SLC4A5: variants seen among roughly 807,000 people sequenced by gnomAD.
SLC4A5 encodes the protein electrogenic sodium bicarbonate cotransporter 4.
In SLC4A5, 96 loss-of-function variants were observed where a neutral mutation model predicts 120.4. That is an observed-to-expected ratio of 0.80 (90% CI 0.68 to 0.94). The LOEUF is 0.94. SLC4A5 is among the 40% of genes least tolerant of loss of function. The pLI is 0.00. For missense variants in SLC4A5, 1,259 were observed against 1,459.5 expected (o/e 0.86, Z 2.24); for synonymous variants, 550 against 571.1 (o/e 0.96, Z 0.53).
intron 21 of SLC4A5, 70 bp downstream of exon 21, chr2:74,239,265 C>A: frequency 2.0e-6 from 3 of 1,487,386 alleles, no homozygotes; most frequent in Non-Finnish European, 2.8e-6. Flanking sequence ...GTCGGTGGAC[C>A]AGAACCCTCT....
intron 5 of SLC4A5, chr2:74,319,648 T>G (rs779578534): frequency 2.0e-5 from 3 of 152,200 alleles, no homozygotes; most frequent in Non-Finnish European, 4.4e-5. Flanking sequence ...TTGTTTGCAA[T>G]ATAGTGCATT....
At chr2:74,226,078 C>A (rs1694832894) in intron 27 of SLC4A5, among the ~76,000 whole-genome samples, 1 of 152,204 alleles carries the variant, frequency 6.6e-6, no homozygotes, top group Non-Finnish European at 1.5e-5. Flanking sequence ...GGGTTCTCAA[C>A]CCTGGCTGCA....
chr2:74,286,669 A>C (rs765557915), intron 7 of SLC4A5, among the ~76,000 whole-genome samples: 8 of 152,230 alleles, frequency 5.3e-5, no homozygotes, highest in Non-Finnish European at 1.0e-4. Context: ...AAACAAGTCA[A>C]CAAATCCATA....
intron 26 of SLC4A5, 111 bp from the exon 27 acceptor site, chr2:74,227,241 G>C: frequency 2.4e-6 from 3 of 1,263,350 alleles, no homozygotes; most frequent in Middle Eastern, 2.8e-4. Context: ...GAAGCCCCCT[G>C]CTCAGGCCTT....
intron 7 of SLC4A5, chr2:74,290,594 G>C (rs1672127923): frequency 3.1e-6 from 3 of 975,758 alleles, no homozygotes; most frequent in South Asian, 4.8e-5. Flanking sequence ...ATCTGAGAGA[G>C]AGAGAGACAG....
At chr2:74,328,767 G>A (rs142004062) in intron 4 of SLC4A5, among the ~76,000 whole-genome samples, 112 of 152,310 alleles carry the variant, frequency 7.4e-4, no homozygotes, top group Middle Eastern at 3.4e-3. Context: ...CTGAGATGTT[G>A]ATAAAGGATC....
chr2:74,340,065 G>C (rs547451126), intron 2 of SLC4A5, among the ~76,000 whole-genome samples: 18 of 152,146 alleles, frequency 1.2e-4, no homozygotes, highest in Non-Finnish European at 2.2e-4. Context: ...GTGTTTAATG[G>C]GTATAAAGTT....
At chr2:74,253,004 G>C (rs754467476) in exon 15 of SLC4A5, 1 of 1,614,128 alleles carries the variant, frequency 6.2e-7, no homozygotes, top group Admixed American at 1.7e-5. Flanking sequence ...CTTCTTGGGG[G>C]GCTCAATCCG....
At chr2:74,284,677 T>G (rs994869888) in intron 8 of SLC4A5, among the ~76,000 whole-genome samples, 4 of 152,094 alleles carry the variant, frequency 2.6e-5, no homozygotes, top group Non-Finnish European at 5.9e-5. Context: ...TTGGGAGCAT[T>G]GGGCACTGCT....
chr2:74,332,013 T>C (rs1396620962), intron 4 of SLC4A5, among the ~76,000 whole-genome samples: 6 of 152,160 alleles, frequency 3.9e-5, no homozygotes, highest in Non-Finnish European at 1.5e-5. Context: ...AGTCTTCCAG[T>C]TCTGGGTAGA....
At chr2:74,272,443 A>C (rs1158490497) in intron 8 of SLC4A5, among the ~76,000 whole-genome samples, 1 of 152,244 alleles carries the variant, frequency 6.6e-6, no homozygotes, top group Non-Finnish European at 1.5e-5. Flanking sequence ...TGTAATCCCA[A>C]ACAACTCATT....
chr2:74,224,862 G>A (rs1336884606), exon 28 of SLC4A5: 1 of 1,612,914 alleles, frequency 6.2e-7, no homozygotes, highest in South Asian at 1.1e-5. Flanking sequence ...GTCCTCGTGG[G>A]CCCCTTTTTT....
At chr2:74,219,845 G>A (rs909827034) in intron 30 of SLC4A5, among the ~76,000 whole-genome samples, 2 of 152,222 alleles carry the variant, frequency 1.3e-5, no homozygotes, top group Non-Finnish European at 1.5e-5. Context: ...GGATGAGAAG[G>A]AAGGTGGAGA....
chr2:74,307,066 C>T, intron 6 of SLC4A5: 1 of 566,992 alleles, frequency 1.8e-6, no homozygotes, highest in African/African-American at 1.9e-5. Context: ...CCCAAGCTGA[C>T]CTTCAGATTT....
chr2:74,289,758 C>T (rs1558897295), intron 7 of SLC4A5, among the ~76,000 whole-genome samples: 1 of 152,126 alleles, frequency 6.6e-6, no homozygotes, highest in Non-Finnish European at 1.5e-5. Context: ...ATTGAGAAAA[C>T]TGTGACTGCT....
chr2:74,264,575 A>G (rs2104049460), intron 9 of SLC4A5, among the ~76,000 whole-genome samples: 1 of 151,978 alleles, frequency 6.6e-6, no homozygotes, highest in African/African-American at 2.4e-5. Flanking sequence ...TACATATGAA[A>G]CTGCCCCAGG....
intron 11 of SLC4A5, among the ~76,000 whole-genome samples, chr2:74,260,272 C>A (rs866083347): frequency 2.6e-4 from 39 of 152,302 alleles, no homozygotes; most frequent in African/African-American, 8.9e-4. Context: ...TTGGCCTGTG[C>A]CACTCCTGGT....
chr2:74,277,901 C>A (rs1170733504), intron 8 of SLC4A5, among the ~76,000 whole-genome samples: 2 of 151,568 alleles, frequency 1.3e-5, no homozygotes, highest in Non-Finnish European at 2.9e-5. Flanking sequence ...TTAAAATACC[C>A]CAGCAAAAGC....
intron 30 of SLC4A5, 40 bp downstream of exon 30, chr2:74,221,394 T>C: frequency 1.3e-6 from 2 of 1,481,502 alleles, no homozygotes; most frequent in South Asian, 2.3e-5. Flanking sequence ...TTTCCTAGTC[T>C]CTTACCTAAT....
Sources: allele counts gnomAD v4.1 joint callset (sites outside exome capture counted in the v4.1 genomes callset), GRCh38; gene constraint gnomAD v4.1.1; transcripts MANE v1.5; gene names NCBI Gene and HGNC (gene_info 2026-07-23, HGNC 2026-07-21).